Variants in SRSF1 observed in about 807,000 individuals in gnomAD.
SRSF1 encodes the protein serine and arginine rich splicing factor 1.
Under a neutral mutation model 25.9 loss-of-function variants are expected in SRSF1, and 1 was observed. The ratio of observed to expected loss-of-function variants is 0.04; its 90% CI spans 0.01 to 0.18. SRSF1 has a LOEUF of 0.18. SRSF1 is among the 10% of genes least tolerant of loss of function. The pLI is 1.00. For missense variants in SRSF1, 65 were observed against 350.5 expected (o/e 0.19, Z 6.50); for synonymous variants, 132 against 126.2 (o/e 1.05, Z -0.31).
At position 58,005,711 on chromosome 17, in the gene SRSF1, C is replaced by A; in HGVS notation, c.552+90G>T. 6.2e-7 allele frequency: 1 copy of A among 1,608,480 alleles called. No homozygotes were observed. Among genetic ancestry groups the A allele is most frequent in the Non-Finnish European group, 8.5e-7 (1 of 1,176,350 alleles). On this transcript the variant is annotated intron_variant, in intron 3 of 3. Transcript: ENST00000258962. The surrounding 1 kb of genome is among the most constrained non-coding windows in gnomAD (Gnocchi z 5.2). ...CCAGAAATCTGGCAATTTACTTGGA[C>A]AACCTTGCCTGAATCCTTACCTTGA...
At chr17:57,995,011 G>A in the SRSF1 span, among the ~76,000 whole-genome samples, 2 of 152,196 alleles carry the variant, frequency 1.3e-5, no homozygotes, top group Non-Finnish European at 2.9e-5. Flanking sequence ...ACGAGCACTG[G>A]GAAAGGAAAT....
At chr17:57,997,858 T>G (rs539120570), downstream of SRSF1, among the ~76,000 whole-genome samples, 16 of 152,296 alleles carry the variant, frequency 1.1e-4, no homozygotes, top group East Asian at 5.8e-4. Flanking sequence ...AAGGAGCCAT[T>G]TGAGTTTTCT....
At chr17:58,006,696 CACT>C (rs1368901091) in intron 1 of SRSF1, 169 bp from the exon 2 acceptor site, 3 of 928,526 alleles carry the variant, frequency 3.2e-6, no homozygotes, top group Admixed American at 2.9e-5. Context: ...GGCTCCCAAC[CACT>C]ACACCAGCCC....
At chr17:58,006,201 C>T in intron 2 of SRSF1, 142 bp downstream of exon 2, 1 of 1,138,580 alleles carries the variant, frequency 8.8e-7, no homozygotes, top group South Asian at 1.6e-5. Flanking sequence ...AGCAGCAATC[C>T]TCGTTTATTA....
chr17:58,000,350 T>C (rs1202055900), downstream of SRSF1, among the ~76,000 whole-genome samples: 1 of 152,180 alleles, frequency 6.6e-6, no homozygotes, highest in Non-Finnish European at 1.5e-5. Flanking sequence ...ATTCATTCAA[T>C]AGACAATCAC....
chr17:58,000,109 T>C (rs530162006), downstream of SRSF1, among the ~76,000 whole-genome samples: 27 of 152,300 alleles, frequency 1.8e-4, no homozygotes, highest in African/African-American at 6.3e-4. Flanking sequence ...GAGTCATTTA[T>C]TCAATTTTTA....
chr17:57,994,568 G>C, the SRSF1 span: 1 of 152,208 alleles, frequency 6.6e-6, no homozygotes, highest in East Asian at 1.9e-4. Context: ...GTTTCTCCCA[G>C]TGGCTTGAAG....
intron 1 of SRSF1, 107 bp from the exon 2 acceptor site, chr17:58,006,634 C>T: frequency 7.6e-7 from 1 of 1,310,250 alleles, no homozygotes; most frequent in Non-Finnish European, 1.0e-6. Context: ...GTGGAAGAGC[C>T]CACATGCGCC....
the SRSF1 span, chr17:57,990,446 T>C: frequency 6.6e-6 from 1 of 152,224 alleles, no homozygotes. Flanking sequence ...ACTGAGCTAT[T>C]TTCCAGAAGG....
Position 58,001,594 on chromosome 17 carries a change from G to A in SRSF1, c.*3812C>T, listed in dbSNP as rs933072831. On this transcript the variant is annotated 3_prime_UTR_variant, in exon 4 of 4. Transcript: ENST00000258962. Reference sequence around the variant, plus strand: ...AGAGACTTAAGTTTTTCCTTGGTTAGAAAATAATTATAGGCTCCCTAAAAT... The same window carrying A: ...AGAGACTTAAGTTTTTCCTTGGTTAAAAAATAATTATAGGCTCCCTAAAAT... Among the ~76,000 whole-genome samples, 1 of 152,160 alleles carries A rather than the reference G, an allele frequency of 6.6e-6. No homozygotes were observed. The highest frequency in any genetic ancestry group is 1.5e-5 in the Non-Finnish European group (1 of 68,016).
downstream of SRSF1, among the ~76,000 whole-genome samples, chr17:58,000,802 A>T (rs1026964028): frequency 6.6e-6 from 1 of 152,182 alleles, no homozygotes; most frequent in Non-Finnish European, 1.5e-5. Flanking sequence ...TTTATGAGGT[A>T]CATATATACC....
Position 58,002,936 on chromosome 17 carries a change from C to T in SRSF1, c.*2470G>A, listed in dbSNP as rs1282375644. 6.6e-6 allele frequency among the ~76,000 whole-genome samples: 1 copy of T among 152,210 alleles called. No individual in the cohort carries two copies. The highest frequency in any genetic ancestry group is 1.5e-5 in the Non-Finnish European group (1 of 68,028). ...ACTGAGGCACGAGAATCACTCAAAT[C>T]CAGGGGTGGAGGTTGCAGTGAGCCT... is the stretch of plus-strand genomic sequence containing the variant. On this transcript the variant is annotated 3_prime_UTR_variant, in exon 4 of 4. Transcript: ENST00000258962.
chr17:57,998,081 T>C (rs2075371887), downstream of SRSF1, among the ~76,000 whole-genome samples: 1 of 151,534 alleles, frequency 6.6e-6, no homozygotes, highest in Admixed American at 6.6e-5. Flanking sequence ...CCAGGTGTGG[T>C]GATGGGCACC....
chr17:58,000,243 C>G (rs1470193000), downstream of SRSF1, among the ~76,000 whole-genome samples: 1 of 152,126 alleles, frequency 6.6e-6, no homozygotes, highest in Non-Finnish European at 1.5e-5. Context: ...TACCAAGAAG[C>G]ACCGTGAAGG....
At chr17:57,997,307 T>C (rs766444622), downstream of SRSF1, among the ~76,000 whole-genome samples, 2 of 152,162 alleles carry the variant, frequency 1.3e-5, no homozygotes, top group Non-Finnish European at 2.9e-5. Context: ...GAGTTATTAG[T>C]ATTAAAATAC....
chr17:58,006,108 G>GT (rs1371087951), intron 2 of SRSF1, 135 bp from the exon 3 acceptor site: 3 of 999,692 alleles, frequency 3.0e-6, no homozygotes, highest in Non-Finnish European at 4.3e-6. Context: ...AAGAGAGCTG[G>GT]TAAGATTCTG....
chr17:58,006,775 G>A (rs1246717536), intron 1 of SRSF1, 169 bp downstream of exon 1: 3 of 949,596 alleles, frequency 3.2e-6, no homozygotes, highest in African/African-American at 1.7e-5. Flanking sequence ...CGAGGCGCCA[G>A]AGAAGCCACA....
At chr17:57,998,988 G>T (rs1181241833), downstream of SRSF1, among the ~76,000 whole-genome samples, 1 of 152,138 alleles carries the variant, frequency 6.6e-6, no homozygotes, top group African/African-American at 2.4e-5. Context: ...TTTTATAAAA[G>T]AAACCTGGGG....
At chr17:57,993,562 C>T in the SRSF1 span, 1 of 152,392 alleles carries the variant, frequency 6.6e-6, no homozygotes, top group East Asian at 1.9e-4. Context: ...TGCTGCTGTC[C>T]ACAAATACTA....
Sources: allele counts gnomAD v4.1 joint callset (sites outside exome capture counted in the v4.1 genomes callset), GRCh38; gene constraint gnomAD v4.1.1; non-coding constraint Gnocchi (gnomAD v3.1); transcripts MANE v1.5; gene names NCBI Gene and HGNC (gene_info 2026-07-23, HGNC 2026-07-21).